The following CEP63 variants were observed in gnomAD, a reference collection of about 807,000 sequenced individuals.
CEP63 encodes centrosomal protein 63.
CEP63 carries 84 observed loss-of-function variants against 89.1 expected under a neutral mutation model. The ratio of observed to expected loss-of-function variants is 0.94; its 90% CI spans 0.79 to 1.13. The LOEUF (loss-of-function observed/expected upper bound fraction) is 1.13. Ranked by LOEUF, CEP63 falls within the 50% of genes most tolerant of loss-of-function variation. The probability of loss-of-function intolerance (pLI) is 0.00; values close to 1 mark genes in which losing one functional copy is unlikely to be tolerated. For missense variants in CEP63, 838 were observed against 813.3 expected (o/e 1.03, Z -0.37); for synonymous variants, 267 against 272.5 (o/e 0.98, Z 0.20).
At chr3:134,670,308 C>T in the CEP63 span, among the ~76,000 whole-genome samples, 1 of 152,144 alleles carries the variant, frequency 6.6e-6, no homozygotes, top group Non-Finnish European at 1.5e-5. Flanking sequence ...AGTCCCTTTG[C>T]ATATAAAATT....
the CEP63 span, chr3:134,607,938 G>A: frequency 1.0e-6 from 1 of 993,362 alleles, no homozygotes; most frequent in Non-Finnish European, 1.2e-6. Flanking sequence ...GGGGCTTACT[G>A]TGTCCCCGCC....
chr3:134,503,629 A>G (rs1337754198), intron 2 of CEP63, among the ~76,000 whole-genome samples: 1 of 152,138 alleles, frequency 6.6e-6, no homozygotes, highest in East Asian at 1.9e-4. Flanking sequence ...TTATTATTGT[A>G]TTGGAGTCTG....
intron 3 of CEP63, among the ~76,000 whole-genome samples, chr3:134,513,722 C>T (rs1361116331): frequency 6.6e-6 from 1 of 152,004 alleles, no homozygotes; most frequent in East Asian, 1.9e-4. Context: ...AAAGGCTGCA[C>T]CCTAGGAGTA....
In CEP63 at chr3:134,546,210, A is replaced by T; in HGVS notation, c.851A>T (p.His284Leu). 1 of 1,613,964 alleles carries T rather than the reference A, an allele frequency of 6.2e-7. No individual in the cohort carries two copies. Among genetic ancestry groups the T allele is most frequent in the Non-Finnish European group, 8.5e-7 (1 of 1,179,912 alleles). Residue 284 changes from histidine (H) to leucine (L), a missense_variant, in exon 8 of 15, where the codon CAT becomes CTT. By Grantham distance (99) the His-to-Leu change is moderately conservative. Transcript: ENST00000675561. ...CTTCAGTCTCAAGAAAATCTCATAC[A>T]TGAGGCCAGAATACAAAAGGAGAAG... is the stretch of plus-strand genomic sequence containing the variant. Reference protein sequence around the residue: ...AALQSQENLIHEARIQKEKLQ... With the variant: ...AALQSQENLILEARIQKEKLQ...
chr3:134,576,862 G>A (rs1958225485), downstream of CEP63, among the ~76,000 whole-genome samples: 1 of 71,308 alleles, frequency 1.4e-5, no homozygotes, highest in Non-Finnish European at 3.2e-5. Flanking sequence ...ACTAAAACTT[G>A]GCTCCCTGTG....
the CEP63 span, among the ~76,000 whole-genome samples, chr3:134,644,124 C>T: frequency 7.2e-5 from 11 of 152,286 alleles, no homozygotes; most frequent in South Asian, 6.2e-4. Context: ...CGCGCCCGGC[C>T]GAGCCTCCTG....
chr3:134,693,692 G>T, the CEP63 span, among the ~76,000 whole-genome samples: 1 of 152,192 alleles, frequency 6.6e-6, no homozygotes, highest in African/African-American at 2.4e-5. Context: ...GTTTGGGCTG[G>T]CTTCGGAGGC....
rs370108045 is a variant in CEP63, at chr3:134,512,215, CTG to C, written c.222+4932_222+4933del. Among the ~76,000 whole-genome samples, 958 of 152,304 alleles carry C rather than the reference CTG, an allele frequency of 6.3e-3. 22 individuals are homozygous for C. The South Asian group carries it at 0.074, about 12-fold the overall frequency. On this transcript the variant is annotated intron_variant, in intron 3 of 14. Coordinates refer to ENST00000675561, the MANE Select transcript of CEP63 (RefSeq NM_001353108.3). ...CAGGCTTCTTGTGCTGGATTGCTGTCTGTGAATAACTTCAGCCCACCTGCAAA... is the reference window on the plus strand; with the variant it reads ...CAGGCTTCTTGTGCTGGATTGCTGTCTGAATAACTTCAGCCCACCTGCAAA...
At chr3:134,696,704 G>A in the CEP63 span, among the ~76,000 whole-genome samples, 2 of 152,160 alleles carry the variant, frequency 1.3e-5, no homozygotes, top group African/African-American at 4.8e-5. Context: ...ATATGTGTAA[G>A]TGTGTGCAAG....
At chr3:134,546,751 A>G (rs1016710005) in intron 8 of CEP63, among the ~76,000 whole-genome samples, 4 of 152,206 alleles carry the variant, frequency 2.6e-5, no homozygotes, top group Admixed American at 2.6e-4. Flanking sequence ...AGGTTTTTAA[A>G]GTGTTATAAA....
downstream of CEP63, among the ~76,000 whole-genome samples, chr3:134,579,153 A>C (rs1958287799): frequency 1.3e-5 from 2 of 152,266 alleles, no homozygotes. Context: ...CACAAACAAC[A>C]CATAGTGTGA....
chr3:134,693,118 A>T, the CEP63 span, among the ~76,000 whole-genome samples: 1 of 152,298 alleles, frequency 6.6e-6, no homozygotes, highest in East Asian at 1.9e-4. Flanking sequence ...GGTGTTTCCA[A>T]GCGTCCCTTG....
At chr3:134,495,119 T>C (rs1939339635) in intron 1 of CEP63, among the ~76,000 whole-genome samples, 177 bp from the exon 2 acceptor site, 1 of 152,206 alleles carries the variant, frequency 6.6e-6, no homozygotes, top group South Asian at 2.1e-4. Flanking sequence ...TAGTCCGAAA[T>C]AGTTTGTTCC....
At chr3:134,606,043 C>T in the CEP63 span, among the ~76,000 whole-genome samples, 1 of 152,210 alleles carries the variant, frequency 6.6e-6, no homozygotes, top group Non-Finnish European at 1.5e-5. Flanking sequence ...TGACCAAGAT[C>T]AATAGAGTTG....
chr3:134,641,227 G>A, the CEP63 span: 1 of 152,222 alleles, frequency 6.6e-6, no homozygotes, highest in African/African-American at 2.4e-5. Flanking sequence ...TGTCCCCTGG[G>A]ATAGGCTGAA....
intron 6 of CEP63, among the ~76,000 whole-genome samples, chr3:134,538,853 A>G (rs1242047860): frequency 6.6e-6 from 1 of 151,980 alleles, no homozygotes; most frequent in Non-Finnish European, 1.5e-5. Context: ...CTGTTATCCT[A>G]TTTCATATTA....
chr3:134,587,487 C>T (rs4301050), exon 11 of CEP63, among the ~76,000 whole-genome samples: 97,972 of 152,022 alleles, frequency 0.64, 32,152 homozygotes, highest in East Asian at 0.81. Flanking sequence ...TGCTGGAGGT[C>T]CACTCCAGAC....
intron 1 of CEP63, chr3:134,487,880 T>A (rs1559842612): frequency 6.6e-6 from 1 of 152,256 alleles, no homozygotes; most frequent in Non-Finnish European, 1.5e-5. Context: ...ATTTGACATC[T>A]TTTAATCTAT....
At chr3:134,667,777 T>C in the CEP63 span, among the ~76,000 whole-genome samples, 1 of 152,148 alleles carries the variant, frequency 6.6e-6, no homozygotes, top group African/African-American at 2.4e-5. Flanking sequence ...CAGGTTCTCT[T>C]CTGGGTAGGT....
Sources: gnomAD v4.1 joint callset for allele counts (sites outside exome capture counted in the v4.1 genomes callset) on GRCh38, gnomAD v4.1.1 for gene constraint, MANE v1.5 for transcripts, NCBI Gene and HGNC (gene_info 2026-07-23, HGNC 2026-07-21) for gene names.